LPP: variants seen among roughly 807,000 people sequenced by gnomAD.
The protein encoded by LPP is lipoma-preferred partner.
A neutral mutation model predicts 60.4 loss-of-function variants in LPP; 38 were observed. The observed-to-expected ratio is 0.63, with a 90% CI of 0.49 to 0.83. The LOEUF is 0.83. LPP is among the 40% of genes least tolerant of loss of function. The probability of loss-of-function intolerance (pLI) is 0.00; values close to 1 mark genes in which losing one functional copy is unlikely to be tolerated. For missense variants in LPP, 902 were observed against 783.6 expected, an observed-to-expected ratio of 1.15 and a Z score of -1.80; for synonymous variants, 328 against 290.8, an observed-to-expected ratio of 1.13 and a Z score of -1.30.
rs1290214011 is a variant in LPP, at chr3:188,879,809, T to C, written c.*5330T>C. On this transcript the variant is annotated 3_prime_UTR_variant, in exon 12 of 12. Coordinates refer to ENST00000617246, the MANE Select transcript of LPP (RefSeq NM_001375462.1). ...TAAGACTAATAATATATTGTAATAG[T>C]TGATACTAAAATATTTTTCAGCAGG... 1 of 180,856 alleles carries C rather than the reference T, an allele frequency of 5.5e-6. No individual in the cohort carries two copies. Among genetic ancestry groups the C allele is most frequent in the African/African-American group, 2.4e-5 (1 of 42,396 alleles). 11.2% of individuals were successfully genotyped at this position (180,856 alleles called of 1,614,324 possible).
intron 4 of LPP, among the ~76,000 whole-genome samples, chr3:188,432,645 G>A (rs1244891935): frequency 6.6e-6 from 1 of 151,772 alleles, no homozygotes; most frequent in African/African-American, 2.4e-5. Context: ...TGAATGTCTT[G>A]CTGGTTCTTC....
At chr3:188,621,243 G>A (rs1460832700) in intron 7 of LPP, among the ~76,000 whole-genome samples, 1 of 151,982 alleles carries the variant, frequency 6.6e-6, no homozygotes, top group African/African-American at 2.4e-5. Flanking sequence ...ATACGTGTGT[G>A]GGATTACTAC....
rs7651670 is a variant in LPP, at chr3:188,178,785, G to A, written c.-190+24533G>A. On this transcript the variant is annotated intron_variant, in intron 1 of 11. Transcript: ENST00000617246. ...TTGGGCTGTCTAGGATGTTGTGATC[G>A]ACACAGGAAACAGACATGAAAGCCA... 898 of 169,730 alleles carry A rather than the reference G, an allele frequency of 5.3e-3. 5 individuals carry two copies. The highest frequency in any genetic ancestry group is 0.021 in the African/African-American group (857 of 41,792). 10.5% of individuals were successfully genotyped at this position (169,730 alleles called of 1,614,324 possible).
intron 6 of LPP, among the ~76,000 whole-genome samples, chr3:188,576,503 A>G (rs945089963): frequency 1.3e-5 from 2 of 152,102 alleles, no homozygotes; most frequent in Non-Finnish European, 2.9e-5. Flanking sequence ...GGGCTTGCTC[A>G]TTTGCAAGGC....
chr3:188,179,620 T>G, intron 1 of LPP: 1 of 387,622 alleles, frequency 2.6e-6, no homozygotes, highest in Non-Finnish European at 5.2e-6. Context: ...AGAACTCCAT[T>G]TCTCATCCTG....
Position 188,398,174 on chromosome 3 carries a change from A to T in LPP, c.-9-7938A>T, listed in dbSNP as rs530843245. On this transcript the variant is annotated intron_variant, in intron 3 of 11. Coordinates refer to ENST00000617246, the MANE Select transcript of LPP (RefSeq NM_001375462.1). ...TCCCTGGTCTCATAGGAGTTAAAAC[A>T]TAGTTTTGTAAGAAACCTTAGCTCC... is the stretch of plus-strand genomic sequence containing the variant. 1.3e-3 allele frequency among the ~76,000 whole-genome samples: 191 copies of T among 152,338 alleles called. 5 individuals carry two copies. In the South Asian group the frequency reaches 0.031, roughly 25 times the overall value.
At chr3:188,754,464 C>T (rs908572747) in intron 8 of LPP, among the ~76,000 whole-genome samples, 5 of 152,070 alleles carry the variant, frequency 3.3e-5, no homozygotes, top group African/African-American at 1.2e-4. Context: ...GTTTTGCATG[C>T]GGACGAAACC....
intron 4 of LPP, among the ~76,000 whole-genome samples, chr3:188,438,907 G>A (rs966886799): frequency 6.6e-6 from 1 of 152,050 alleles, no homozygotes; most frequent in African/African-American, 2.4e-5. Context: ...AAGGAATAAT[G>A]GCTAAATGAA....
chr3:188,238,918 A>G (rs1392728619), intron 2 of LPP, among the ~76,000 whole-genome samples: 1 of 152,236 alleles, frequency 6.6e-6, no homozygotes, highest in African/African-American at 2.4e-5. Flanking sequence ...TGCCAACTAC[A>G]ATAAAGTGAA....
At chr3:188,545,450 T>C (rs565417459) in intron 6 of LPP, among the ~76,000 whole-genome samples, 4 of 152,122 alleles carry the variant, frequency 2.6e-5, no homozygotes, top group African/African-American at 9.6e-5. Context: ...CAGCCATTTA[T>C]TTCTGCTTGA....
chr3:188,787,702 T>C (rs1229887798), intron 9 of LPP, among the ~76,000 whole-genome samples: 2 of 152,226 alleles, frequency 1.3e-5, no homozygotes, highest in African/African-American at 4.8e-5. Context: ...TACACAACTT[T>C]CTACCGTTTT....
intron 2 of LPP, among the ~76,000 whole-genome samples, chr3:188,287,299 G>T (rs931695343): frequency 6.6e-6 from 1 of 152,186 alleles, no homozygotes; most frequent in Non-Finnish European, 1.5e-5. Flanking sequence ...GCCATCCCCC[G>T]CCCCGTGTGT....
intron 9 of LPP, among the ~76,000 whole-genome samples, chr3:188,861,891 C>T (rs987612464): frequency 4.9e-5 from 7 of 142,350 alleles, no homozygotes; most frequent in East Asian, 2.0e-4. Flanking sequence ...TGCTACTCTA[C>T]GTCCTTTCAT....
chr3:188,674,459 T>C (rs895901090), intron 7 of LPP, among the ~76,000 whole-genome samples: 3 of 152,198 alleles, frequency 2.0e-5, no homozygotes, highest in Admixed American at 1.3e-4. Context: ...CGCCTTTAAA[T>C]CTTTTAGCAT....
chr3:188,774,114 G>T (rs1370994477), intron 9 of LPP, among the ~76,000 whole-genome samples: 2 of 152,132 alleles, frequency 1.3e-5, no homozygotes, highest in Non-Finnish European at 2.9e-5. Flanking sequence ...CTGAATCTTA[G>T]CTTCTACCTT....
At chr3:188,275,725 G>T (rs973087344) in intron 2 of LPP, among the ~76,000 whole-genome samples, 6 of 152,000 alleles carry the variant, frequency 3.9e-5, no homozygotes, top group Non-Finnish European at 8.8e-5. Flanking sequence ...GCCCAGACTG[G>T]AGTGCAATGG....
intron 3 of LPP, among the ~76,000 whole-genome samples, chr3:188,368,116 G>C (rs1474337542): frequency 6.6e-6 from 1 of 152,150 alleles, no homozygotes; most frequent in African/African-American, 2.4e-5. Context: ...AAACCTTTCA[G>C]AGCTTAATAA....
chr3:188,182,389 C>T lies in LPP; in HGVS notation c.-190+28137C>T, dbSNP rs1204566977. Among the ~76,000 whole-genome samples, 1 of 152,214 alleles carries T rather than the reference C, an allele frequency of 6.6e-6. No homozygotes were observed. The highest frequency in any genetic ancestry group is 2.4e-5 in the African/African-American group (1 of 41,454). On this transcript the variant is annotated intron_variant, in intron 1 of 11. Coordinates refer to ENST00000617246, the MANE Select transcript of LPP (RefSeq NM_001375462.1). The surrounding 1 kb of genome is among the most constrained non-coding windows in gnomAD (Gnocchi z 4.4). ...TATTCATCATGTACTTATTTATAGTCATCCCTACCTCGTTCTTTTCATTGG... is the reference window on the plus strand; with the variant it reads ...TATTCATCATGTACTTATTTATAGTTATCCCTACCTCGTTCTTTTCATTGG...
chr3:188,512,399 A>G (rs1815967516), intron 5 of LPP, among the ~76,000 whole-genome samples: 1 of 152,066 alleles, frequency 6.6e-6, no homozygotes, highest in Non-Finnish European at 1.5e-5. Flanking sequence ...CTAAAAATAC[A>G]AAATTAGCCA....
Sources: allele counts gnomAD v4.1 joint callset (sites outside exome capture counted in the v4.1 genomes callset), GRCh38; gene constraint gnomAD v4.1.1; non-coding constraint Gnocchi (gnomAD v3.1); transcripts MANE v1.5; gene names NCBI Gene and HGNC (gene_info 2026-07-23, HGNC 2026-07-21).